Variants in KCNIP4 observed in about 807,000 individuals in gnomAD.
KCNIP4 encodes the protein potassium voltage-gated channel interacting protein 4.
KCNIP4 carries 12 observed loss-of-function variants against 34.0 expected under a neutral mutation model. That is an observed-to-expected ratio of 0.35 (90% CI 0.23 to 0.57). The LOEUF is 0.57. KCNIP4 is among the 20% of genes least tolerant of loss of function. The pLI, the probability that KCNIP4 is intolerant of heterozygous loss-of-function variation, is 0.83. For synonymous variants in KCNIP4, 124 were observed against 102.2 expected, an observed-to-expected ratio of 1.21 and a Z score of -1.29; for missense variants, 238 against 311.7, an observed-to-expected ratio of 0.76 and a Z score of 1.78.
intron 1 of KCNIP4, among the ~76,000 whole-genome samples, chr4:21,688,033 T>A (rs1750945449): frequency 6.6e-6 from 1 of 152,208 alleles, no homozygotes; most frequent in East Asian, 1.9e-4. Flanking sequence ...AGTCTAATAA[T>A]GTGATTCAGA....
At position 21,289,774 on chromosome 4, in the gene KCNIP4, G is replaced by A. The variant is rs192263230; in HGVS notation, c.62-407065C>T. Among the ~76,000 whole-genome samples, 39 of 152,160 alleles carry A rather than the reference G, an allele frequency of 2.6e-4. No individual in the cohort carries two copies. In the East Asian group the frequency reaches 6.8e-3, roughly 26 times the overall value. On this transcript the variant is annotated intron_variant, in intron 1 of 8. Coordinates refer to ENST00000382152, the MANE Select transcript of KCNIP4 (RefSeq NM_025221.6). ...AGGTTTTCACATGAATGGTGCCTAG[G>A]CAGATGCAAGAAGCTGCTGCTAGGG...
chr4:21,291,753 C>T (rs1337082981), intron 1 of KCNIP4, among the ~76,000 whole-genome samples: 1 of 150,280 alleles, frequency 6.7e-6, no homozygotes, highest in East Asian at 2.0e-4. Flanking sequence ...ACTCGGGAGG[C>T]TGAGGCAGGA....
At chr4:21,776,541 C>T (rs1719194192) in intron 1 of KCNIP4, among the ~76,000 whole-genome samples, 1 of 152,128 alleles carries the variant, frequency 6.6e-6, no homozygotes, top group African/African-American at 2.4e-5. Flanking sequence ...CTAATTTATC[C>T]TTTCCTAAGT....
intron 1 of KCNIP4, among the ~76,000 whole-genome samples, chr4:21,385,859 G>A (rs2109493555): frequency 6.6e-6 from 1 of 152,212 alleles, no homozygotes; most frequent in East Asian, 1.9e-4. Context: ...TGTGTCCCAA[G>A]TGCCACTAAA....
intron 1 of KCNIP4, among the ~76,000 whole-genome samples, chr4:21,086,028 T>C (rs1020644483): frequency 2.0e-5 from 3 of 152,140 alleles, no homozygotes; most frequent in Non-Finnish European, 4.4e-5. Flanking sequence ...TCCCTCACTG[T>C]GGACTGGAAC....
intron 1 of KCNIP4, among the ~76,000 whole-genome samples, chr4:21,398,592 A>G (rs952085318): frequency 1.3e-5 from 2 of 152,226 alleles, no homozygotes; most frequent in African/African-American, 4.8e-5. Context: ...TACAGAGTGA[A>G]ATTTATTCTT....
chr4:21,353,846 T>C (rs1450247640), intron 1 of KCNIP4, among the ~76,000 whole-genome samples: 2 of 151,972 alleles, frequency 1.3e-5, no homozygotes, highest in Non-Finnish European at 2.9e-5. Flanking sequence ...CACACAATTA[T>C]CAGATTCACC....
At chr4:21,108,551 C>T (rs1169407733) in intron 1 of KCNIP4, among the ~76,000 whole-genome samples, 1 of 151,716 alleles carries the variant, frequency 6.6e-6, no homozygotes, top group East Asian at 1.9e-4. Context: ...GAATTTCCTC[C>T]TGTAGCTCGG....
intron 1 of KCNIP4, among the ~76,000 whole-genome samples, chr4:21,042,874 GA>G (rs1306927385): frequency 3.3e-5 from 5 of 152,034 alleles, no homozygotes; most frequent in Admixed American, 1.3e-4. Context: ...TTCTTTGGGG[GA>G]AAAAAAGGAT....
chr4:21,204,324 G>A (rs949574233), intron 1 of KCNIP4, among the ~76,000 whole-genome samples: 4 of 152,084 alleles, frequency 2.6e-5, no homozygotes, highest in Non-Finnish European at 5.9e-5. Context: ...ACTTCCTTGA[G>A]ACTTAGTTTG....
intron 3 of KCNIP4, among the ~76,000 whole-genome samples, chr4:20,840,602 G>A (rs1383539007): frequency 1.3e-5 from 2 of 152,158 alleles, no homozygotes; most frequent in African/African-American, 4.8e-5. Flanking sequence ...AGTGGAGGAA[G>A]CTGGCACCAT....
chr4:20,744,690 C>T (rs1396293343), intron 5 of KCNIP4, among the ~76,000 whole-genome samples: 1 of 152,122 alleles, frequency 6.6e-6, no homozygotes, highest in Non-Finnish European at 1.5e-5. Flanking sequence ...ATGGGTGCAG[C>T]ACACCAACAT....
intron 1 of KCNIP4, among the ~76,000 whole-genome samples, chr4:21,233,176 G>C (rs56869589): frequency 0.028 from 4,220 of 152,216 alleles, 199 homozygotes; most frequent in African/African-American, 0.097. Context: ...GATCAAGTAA[G>C]ACAAAGATTG....
At chr4:21,488,676 AG>A (rs1346749141) in intron 1 of KCNIP4, among the ~76,000 whole-genome samples, 2 of 151,864 alleles carry the variant, frequency 1.3e-5, no homozygotes, top group Non-Finnish European at 2.9e-5. Flanking sequence ...CATGGGAAGT[AG>A]GAATTAAGAT....
chr4:21,505,985 C>T lies in KCNIP4; in HGVS notation c.61+442586G>A, dbSNP rs570306997. Among the ~76,000 whole-genome samples the T allele has an allele frequency of 5.9e-5, 9 of 152,208 alleles. No individual in the cohort carries two copies. In the South Asian group the frequency reaches 1.9e-3, roughly 32 times the overall value. On this transcript the variant is annotated intron_variant, in intron 1 of 8. Coordinates refer to ENST00000382152, the MANE Select transcript of KCNIP4 (RefSeq NM_025221.6). ...GGGTGTGGTGGCAGGCACCTGTAAT[C>T]CCAGCTACTCCGGAGGCTGAGGCAG...
intron 1 of KCNIP4, among the ~76,000 whole-genome samples, chr4:21,447,612 T>C (rs758637989): frequency 6.6e-6 from 1 of 152,160 alleles, no homozygotes; most frequent in Admixed American, 6.5e-5. Context: ...TACACACCTA[T>C]GATAAAGTTT....
intron 1 of KCNIP4, among the ~76,000 whole-genome samples, chr4:21,786,670 C>A (rs1192522920): frequency 1.3e-5 from 2 of 150,946 alleles, no homozygotes; most frequent in Admixed American, 6.6e-5. Flanking sequence ...CGGGTTCATG[C>A]CATTCTCCTG....
intron 1 of KCNIP4, among the ~76,000 whole-genome samples, chr4:21,558,731 T>G (rs974926787): frequency 2.0e-5 from 3 of 152,128 alleles, no homozygotes; most frequent in African/African-American, 7.2e-5. Context: ...AACTATTTCT[T>G]GCCTGTTTAA....
chr4:21,309,838 T>C (rs1361304959), intron 1 of KCNIP4, among the ~76,000 whole-genome samples: 1 of 152,126 alleles, frequency 6.6e-6, no homozygotes, highest in Non-Finnish European at 1.5e-5. Flanking sequence ...TAAGAAAGTA[T>C]GGAAAGTACC....
Sources: gnomAD v4.1 joint callset for allele counts (sites outside exome capture counted in the v4.1 genomes callset) on GRCh38, gnomAD v4.1.1 for gene constraint, MANE v1.5 for transcripts, NCBI Gene and HGNC (gene_info 2026-07-23, HGNC 2026-07-21) for gene names.